The following DAB1 variants were observed in gnomAD, a reference collection of about 807,000 sequenced individuals.
DAB1 encodes the protein disabled homolog 1.
DAB1 carries 15 observed loss-of-function variants against 64.6 expected under a neutral mutation model. The observed-to-expected ratio is 0.23, with a 90% CI of 0.16 to 0.36. The LOEUF (loss-of-function observed/expected upper bound fraction) is 0.36. Among genes scored for constraint, DAB1 ranks in the 10% least tolerant of loss-of-function variants. The probability of loss-of-function intolerance (pLI) is 1.00; values close to 1 mark genes in which losing one functional copy is unlikely to be tolerated. For missense variants in DAB1, 596 were observed against 706.7 expected, an observed-to-expected ratio of 0.84 and a Z score of 1.78; for synonymous variants, 235 against 251.9, an observed-to-expected ratio of 0.93 and a Z score of 0.64.
At chr1:58,142,818 T>C (rs1329456818) in intron 5 of DAB1, among the ~76,000 whole-genome samples, 1 of 152,246 alleles carries the variant, frequency 6.6e-6, no homozygotes, top group African/African-American at 2.4e-5. Flanking sequence ...CCCTTCTCTC[T>C]GCAGCCAGAG....
intron 5 of DAB1, among the ~76,000 whole-genome samples, chr1:57,986,819 C>G (rs1488967585): frequency 1.3e-5 from 2 of 152,198 alleles, no homozygotes; most frequent in Non-Finnish European, 2.9e-5. Flanking sequence ...CATTATTATT[C>G]AAATTATAAT....
intron 2 of DAB1, among the ~76,000 whole-genome samples, chr1:57,174,188 G>A (rs1371242885): frequency 6.6e-6 from 1 of 152,072 alleles, no homozygotes; most frequent in Non-Finnish European, 1.5e-5. Flanking sequence ...TCCATCACTG[G>A]CCTTCCAGAC....
chr1:57,955,943 C>T (rs149249905), intron 5 of DAB1, among the ~76,000 whole-genome samples: 2 of 152,166 alleles, frequency 1.3e-5, no homozygotes, highest in Non-Finnish European at 2.9e-5. Context: ...TAGTAAAATG[C>T]CAAGAAGATA....
chr1:58,281,148 C>A (rs1350186145), intron 4 of DAB1, among the ~76,000 whole-genome samples: 2 of 152,194 alleles, frequency 1.3e-5, no homozygotes, highest in African/African-American at 4.8e-5. Flanking sequence ...TAGGATGGGA[C>A]ATCATGACGG....
At chr1:58,002,508 G>A (rs1646520930) in intron 5 of DAB1, among the ~76,000 whole-genome samples, 1 of 152,164 alleles carries the variant, frequency 6.6e-6, no homozygotes, top group Admixed American at 6.6e-5. Flanking sequence ...CTACTAGGAT[G>A]TTAGAAGAAA....
chr1:57,695,258 AAGGAAGGAAGGAAGG>A (rs1646811046), intron 6 of DAB1, among the ~76,000 whole-genome samples: 1 of 12,440 alleles, frequency 8.0e-5, no homozygotes, highest in South Asian at 6.6e-3. Flanking sequence ...AGAAAGAAAG[AAGGAAGGAAGGAAGG>A]AAGGAAGGAA....
chr1:57,532,631 T>G (rs1644679166), intron 7 of DAB1, among the ~76,000 whole-genome samples: 1 of 152,184 alleles, frequency 6.6e-6, no homozygotes, highest in Non-Finnish European at 1.5e-5. Flanking sequence ...GATTTTCTAT[T>G]TACTCCATCT....
At chr1:57,169,840 C>T (rs1416789164) in intron 2 of DAB1, among the ~76,000 whole-genome samples, 2 of 152,052 alleles carry the variant, frequency 1.3e-5, no homozygotes, top group African/African-American at 4.8e-5. Context: ...CCCTGCTCCT[C>T]AGCCATAAAT....
At chr1:58,232,863 A>G (rs1557706775) in intron 4 of DAB1, among the ~76,000 whole-genome samples, 1 of 151,898 alleles carries the variant, frequency 6.6e-6, no homozygotes. Flanking sequence ...TAAATAGCAG[A>G]CTCTGTCTTT....
intron 1 of DAB1, among the ~76,000 whole-genome samples, chr1:57,870,971 T>C (rs775479829): frequency 6.6e-6 from 1 of 152,182 alleles, no homozygotes; most frequent in Non-Finnish European, 1.5e-5. Flanking sequence ...GCGTTTAGTA[T>C]AGCACCCCAA....
At chr1:57,087,513 C>T (rs891911975) in intron 4 of DAB1, among the ~76,000 whole-genome samples, 6 of 152,182 alleles carry the variant, frequency 3.9e-5, no homozygotes, top group African/African-American at 1.2e-4. Context: ...GGGTTCTAGA[C>T]GTGGGTGTTG....
chr1:57,090,918 T>C (rs755025607), intron 4 of DAB1, among the ~76,000 whole-genome samples: 1 of 152,130 alleles, frequency 6.6e-6, no homozygotes, highest in South Asian at 2.1e-4. Context: ...CGAACCCTAT[T>C]GTGAACTGCG....
intron 4 of DAB1, among the ~76,000 whole-genome samples, chr1:58,300,408 G>C (rs564415892): frequency 6.6e-6 from 1 of 151,536 alleles, no homozygotes. Context: ...TTAGCCAGGC[G>C]TAGTGGCGGG....
At chr1:57,973,794 T>A (rs958309135) in intron 5 of DAB1, among the ~76,000 whole-genome samples, 1 of 152,104 alleles carries the variant, frequency 6.6e-6, no homozygotes, top group Non-Finnish European at 1.5e-5. Context: ...TTTCCCAGAC[T>A]TTTATATTAG....
chr1:57,860,238 A>T (rs1653950227), intron 1 of DAB1, among the ~76,000 whole-genome samples: 1 of 152,174 alleles, frequency 6.6e-6, no homozygotes, highest in African/African-American at 2.4e-5. Context: ...CTTAGTATGA[A>T]AGATTATCCT....
chr1:57,286,742 T>A lies in DAB1; in HGVS notation c.67+4222A>T, dbSNP rs113487518. Reference sequence around the variant, plus strand: ...CATTATATGAGAATATAACATTAACTAATACCAGACACAAGGTTTGTCCCA... The same window carrying A: ...CATTATATGAGAATATAACATTAACAAATACCAGACACAAGGTTTGTCCCA... On this transcript the variant is annotated intron_variant, in intron 2 of 14. Transcript: ENST00000371236. Among the ~76,000 whole-genome samples, 82 of 152,292 alleles carry A rather than the reference T, an allele frequency of 5.4e-4. 1 individual carries two copies. The highest frequency in any genetic ancestry group is 2.0e-3 in the African/African-American group (82 of 41,572).
At chr1:57,047,773 T>C (rs1648702940) in intron 9 of DAB1, among the ~76,000 whole-genome samples, 1 of 152,218 alleles carries the variant, frequency 6.6e-6, no homozygotes, top group African/African-American at 2.4e-5. Flanking sequence ...CATCCCAGGC[T>C]CTCAAGTTAC....
intron 4 of DAB1, among the ~76,000 whole-genome samples, chr1:58,321,956 TCCTCAAGTAGGTCCCTGA>T (rs1662694907): frequency 6.6e-6 from 1 of 152,200 alleles, no homozygotes; most frequent in Admixed American, 6.5e-5. Flanking sequence ...ACAGACTGCC[TCCTCAAGTAGGTCCCTGA>T]CCCCTGTGTA....
At chr1:57,419,253 G>C (rs1684719443) in intron 1 of DAB1, among the ~76,000 whole-genome samples, 1 of 152,188 alleles carries the variant, frequency 6.6e-6, no homozygotes, top group Admixed American at 6.5e-5. Flanking sequence ...AGGAGTCCAA[G>C]AATCCTGAGT....
Sources: allele counts gnomAD v4.1 joint callset (sites outside exome capture counted in the v4.1 genomes callset), GRCh38; gene constraint gnomAD v4.1.1; transcripts MANE v1.5; gene names NCBI Gene and HGNC (gene_info 2026-07-23, HGNC 2026-07-21).